Variants in BMP8A observed in about 807,000 individuals in gnomAD.
The protein encoded by BMP8A is BMP-8A.
BMP8A carries 14 observed loss-of-function variants against 36.8 expected under a neutral mutation model. That is an observed-to-expected ratio of 0.38 (90% CI 0.25 to 0.60). The LOEUF (loss-of-function observed/expected upper bound fraction) is 0.60. BMP8A is among the 20% of genes least tolerant of loss of function. The pLI is 0.63. For synonymous variants in BMP8A, 120 were observed against 237.7 expected, an observed-to-expected ratio of 0.50 and a Z score of 4.55; for missense variants, 267 against 551.1, an observed-to-expected ratio of 0.48 and a Z score of 5.16.
rs941053857 is a variant in BMP8A, at chr1:39,526,655, T to C, written c.*857T>C. 5.9e-5 allele frequency among the ~76,000 whole-genome samples: 9 copies of C among 152,178 alleles called. No individual in the cohort carries two copies. Among genetic ancestry groups the C allele is most frequent in the Non-Finnish European group, 1.3e-4 (9 of 68,028 alleles). On this transcript the variant is annotated 3_prime_UTR_variant, in exon 7 of 7. Coordinates refer to ENST00000331593, the MANE Select transcript of BMP8A (RefSeq NM_181809.4). ...GCCTGGCCACTGGGGATATTTTATG[T>C]CATGTGTATTCCCTTGCCCTGGGCC...
chr1:39,515,224 G>C, intron 3 of BMP8A: 1 of 1,505,142 alleles, frequency 6.6e-7, no homozygotes, highest in South Asian at 1.2e-5. Flanking sequence ...GTGGTCAGCA[G>C]CAACGTGGGC....
chr1:39,527,948 A>C lies in BMP8A; in HGVS notation c.*2150A>C, dbSNP rs1364523741. 6.6e-6 allele frequency among the ~76,000 whole-genome samples: 1 copy of C among 152,204 alleles called. No homozygotes were observed. Among genetic ancestry groups the C allele is most frequent in the Non-Finnish European group, 1.5e-5 (1 of 68,034 alleles). On this transcript the variant is annotated 3_prime_UTR_variant, in exon 7 of 7. Coordinates refer to ENST00000331593, the MANE Select transcript of BMP8A (RefSeq NM_181809.4). ...CATGGCCTGAGCCCCCTGCTGCCAT[A>C]GGACTTGGGGCCTATCTGCCATTGC...
At chr1:39,507,778 A>G (rs1403758302) in intron 1 of BMP8A, among the ~76,000 whole-genome samples, 2 of 152,178 alleles carry the variant, frequency 1.3e-5, no homozygotes, top group Non-Finnish European at 2.9e-5. Flanking sequence ...AGTACTGACT[A>G]CCGTCAACAA....
intron 6 of BMP8A, among the ~76,000 whole-genome samples, chr1:39,525,362 G>A (rs1645472323): frequency 6.6e-6 from 1 of 152,126 alleles, no homozygotes; most frequent in South Asian, 2.1e-4. Flanking sequence ...GAGGAAGTCT[G>A]AGCCCTTGGC....
At chr1:39,505,223 C>T (rs1331271819) in intron 1 of BMP8A, among the ~76,000 whole-genome samples, 1 of 152,176 alleles carries the variant, frequency 6.6e-6, no homozygotes, top group African/African-American at 2.4e-5. Flanking sequence ...ATATCTCAGG[C>T]TGTCTCAGTG....
chr1:39,503,173 T>G (rs115645409), intron 1 of BMP8A, among the ~76,000 whole-genome samples: 5 of 152,278 alleles, frequency 3.3e-5, no homozygotes, highest in Non-Finnish European at 7.4e-5. Flanking sequence ...CTGGACAAGA[T>G]GGCAAGACCC....
At chr1:39,502,437 G>T (rs1645261768) in intron 1 of BMP8A, among the ~76,000 whole-genome samples, 2 of 152,174 alleles carry the variant, frequency 1.3e-5, no homozygotes, top group African/African-American at 4.8e-5. Context: ...AGGACAGTGA[G>T]CAACCCAGTG....
rs1645506259 is a variant in BMP8A at position 39,528,667 on chromosome 1, G to T, written c.*2869G>T. On this transcript the variant is annotated 3_prime_UTR_variant, in exon 7 of 7. Transcript: ENST00000331593. ...TGAAAAGGAGAGGGCAGGTTTTGGA[G>T]CCAAGTCGACCTGGCATCAGGTCCT... 6.6e-6 allele frequency among the ~76,000 whole-genome samples: 1 copy of T among 151,034 alleles called. No homozygotes were observed. Among genetic ancestry groups the T allele is most frequent in the Admixed American group, 6.6e-5 (1 of 15,178 alleles).
chr1:39,504,756 C>CG (rs1645285653), intron 1 of BMP8A, among the ~76,000 whole-genome samples: 1 of 152,190 alleles, frequency 6.6e-6, no homozygotes, highest in Admixed American at 6.5e-5. Flanking sequence ...GCACTGGTCT[C>CG]TGAGTTCCTT....
intron 3 of BMP8A, among the ~76,000 whole-genome samples, chr1:39,516,716 A>C (rs899375922): frequency 2.0e-5 from 3 of 151,550 alleles, no homozygotes; most frequent in African/African-American, 7.3e-5. Flanking sequence ...GCAGGTCTGC[A>C]GTGGTGAGGA....
intron 3 of BMP8A, chr1:39,514,815 G>A: frequency 8.3e-7 from 1 of 1,206,544 alleles, no homozygotes; most frequent in Non-Finnish European, 1.1e-6. Flanking sequence ...CGCGGGCCTG[G>A]CCTAGAGCCT....
chr1:39,527,409 C>T lies in BMP8A; in HGVS notation c.*1611C>T, dbSNP rs1332104083. Among the ~76,000 whole-genome samples the T allele has an allele frequency of 1.3e-5, 2 of 152,242 alleles. No homozygotes were observed. The highest frequency in any genetic ancestry group is 2.9e-5 in the Non-Finnish European group (2 of 68,040). On this transcript the variant is annotated 3_prime_UTR_variant, in exon 7 of 7. Transcript: ENST00000331593. ...CCAAACCGTGTCATTAAAAGCAGAT[C>T]CTGGGCCCGCCCCATCCACAGGCAC...
chr1:39,515,912 G>A lies in BMP8A; in HGVS notation c.673+4008G>A, dbSNP rs373579602. On this transcript the variant is annotated intron_variant, in intron 3 of 6. Coordinates refer to ENST00000331593, the MANE Select transcript of BMP8A (RefSeq NM_181809.4). ...TCTGGGCATAGGCATCCCCCTGCTG[G>A]CCAGCAACTTCATCAGTCCCAGCAT... The A allele has an allele frequency of 2.4e-4, 367 of 1,541,554 alleles. 10 individuals are homozygous for A. In the East Asian group the frequency reaches 4.9e-3, roughly 21 times the overall value.
intron 1 of BMP8A, among the ~76,000 whole-genome samples, chr1:39,509,887 G>T (rs1367803482): frequency 6.6e-6 from 1 of 152,258 alleles, no homozygotes; most frequent in Non-Finnish European, 1.5e-5. Flanking sequence ...AAAGGGACGG[G>T]AGGCTAAAGT....
intron 1 of BMP8A, among the ~76,000 whole-genome samples, chr1:39,494,317 C>T (rs1202326994): frequency 2.0e-5 from 3 of 150,622 alleles, no homozygotes; most frequent in African/African-American, 7.3e-5. Flanking sequence ...CTTTTCTTTT[C>T]CTTTCTTTCC....
chr1:39,508,147 A>T (rs1465361708), intron 1 of BMP8A, among the ~76,000 whole-genome samples: 1 of 151,710 alleles, frequency 6.6e-6, no homozygotes, highest in African/African-American at 2.4e-5. Flanking sequence ...GCTCCTGGGG[A>T]GGCTGAGGCA....
rs748261092 is a variant in BMP8A, at chr1:39,522,994, C to T, written c.949-13C>T. On this transcript the variant is annotated splice_polypyrimidine_tract_variant and intron_variant, in intron 5 of 6. Coordinates refer to ENST00000331593, the MANE Select transcript of BMP8A (RefSeq NM_181809.4). ...GCACATGGATGGGACTCACCTTCTC[C>T]CTTGCCCCCCAGGACTGGGTCATCG... 6.3e-7 allele frequency: 1 copy of T among 1,594,076 alleles called. No individual in the cohort carries two copies. Among genetic ancestry groups the T allele is most frequent in the South Asian group, 1.1e-5 (1 of 87,822 alleles).
chr1:39,518,791 C>T (rs192320934), intron 3 of BMP8A, among the ~76,000 whole-genome samples: 6 of 149,186 alleles, frequency 4.0e-5, no homozygotes, highest in South Asian at 2.1e-4. Flanking sequence ...GTCCCCTTCA[C>T]CACCCCCCAT....
Position 39,522,393 on chromosome 1 carries a change from G to A in BMP8A, c.869-10G>A, listed in dbSNP as rs936791496. 1 of 1,573,304 alleles carries A rather than the reference G, an allele frequency of 6.4e-7. No individual in the cohort carries two copies. Among genetic ancestry groups the A allele is most frequent in the Non-Finnish European group, 8.7e-7 (1 of 1,153,840 alleles). ...CCCCAGAAAAGACCTTGCCCCTTCT[G>A]TCCCTGCAGATGACGTCCGCGGCTC... On this transcript the variant is annotated splice_polypyrimidine_tract_variant and intron_variant, in intron 4 of 6. Transcript: ENST00000331593.
Sources: allele counts gnomAD v4.1 joint callset (sites outside exome capture counted in the v4.1 genomes callset), GRCh38; gene constraint gnomAD v4.1.1; transcripts MANE v1.5; gene names NCBI Gene and HGNC (gene_info 2026-07-23, HGNC 2026-07-21).